ILDR1: variants seen among roughly 807,000 people sequenced by gnomAD.
The protein encoded by ILDR1 is immunoglobulin like domain containing receptor 1.
Under a neutral mutation model 62.4 loss-of-function variants are expected in ILDR1, and 56 were observed. The observed-to-expected ratio is 0.90, with a 90% CI of 0.72 to 1.12. The LOEUF (loss-of-function observed/expected upper bound fraction) is 1.12, where lower values mean the gene tolerates loss of function less well. Among genes scored for constraint, ILDR1 ranks in the 50% most tolerant of loss-of-function variants. ILDR1 has a pLI of 0.00. For missense variants in ILDR1, 736 were observed against 710.6 expected (o/e 1.04, Z -0.41); for synonymous variants, 284 against 277.8 (o/e 1.02, Z -0.22).
intron 1 of ILDR1, among the ~76,000 whole-genome samples, chr3:122,021,746 C>A (rs1175641369): frequency 6.6e-6 from 1 of 152,258 alleles, no homozygotes; most frequent in African/African-American, 2.4e-5. Context: ...AGATCAAGAA[C>A]TGCCTAATGA....
At chr3:122,027,336 C>A in the ILDR1 span, among the ~76,000 whole-genome samples, 2 of 152,166 alleles carry the variant, frequency 1.3e-5, no homozygotes, top group South Asian at 2.1e-4. Flanking sequence ...ATTACCTGCG[C>A]CCACCACTAC....
the ILDR1 span, among the ~76,000 whole-genome samples, chr3:122,028,805 A>C: frequency 6.6e-6 from 1 of 152,228 alleles, no homozygotes. Context: ...GAGAAGTGTA[A>C]ATTGAGTCAA....
chr3:122,005,234 C>A lies in ILDR1; in HGVS notation c.379+10G>T. ...ACCCCCAGTTCCCCTGACACCTCCCCCGCACTCACGGTTCTGGATGGTGAT... is the reference window on the plus strand; with the variant it reads ...ACCCCCAGTTCCCCTGACACCTCCCACGCACTCACGGTTCTGGATGGTGAT... On this transcript the variant is annotated intron_variant, in intron 3 of 7. Transcript: ENST00000344209. 1 of 1,596,826 alleles carries A rather than the reference C, an allele frequency of 6.3e-7. No homozygotes were observed. The highest frequency in any genetic ancestry group is 8.6e-7 in the Non-Finnish European group (1 of 1,164,570).
the ILDR1 span, among the ~76,000 whole-genome samples, chr3:122,045,012 G>A: frequency 1.3e-5 from 2 of 150,624 alleles, no homozygotes; most frequent in African/African-American, 2.4e-5. Flanking sequence ...GTGATGTTAG[G>A]GTGTCAATTT....
chr3:122,001,626 T>C (rs556774059), intron 4 of ILDR1, 119 bp downstream of exon 4: 2 of 1,527,204 alleles, frequency 1.3e-6, no homozygotes, highest in East Asian at 2.2e-5. Flanking sequence ...ACTTTAGAGG[T>C]TGATAATCCA....
chr3:122,023,789 C>T (rs2071897793), upstream of ILDR1, among the ~76,000 whole-genome samples: 1 of 140,836 alleles, frequency 7.1e-6, no homozygotes, highest in Non-Finnish European at 1.5e-5. Context: ...GATCCTAGCA[C>T]AGCAGCAGCA....
At chr3:122,015,821 C>G (rs974781815) in intron 1 of ILDR1, among the ~76,000 whole-genome samples, 6 of 152,146 alleles carry the variant, frequency 3.9e-5, no homozygotes, top group Non-Finnish European at 5.9e-5. Context: ...ATCTCTCTCT[C>G]TCTCCAATTT....
chr3:122,050,427 C>G, the ILDR1 span, among the ~76,000 whole-genome samples: 1 of 151,776 alleles, frequency 6.6e-6, no homozygotes, highest in African/African-American at 2.4e-5. Context: ...GTGGAAATTC[C>G]ATAGGTATTT....
Position 121,988,315 on chromosome 3 carries a change from A to T in ILDR1, c.*52T>A. On this transcript the variant is annotated 3_prime_UTR_variant, in exon 8 of 8. Coordinates refer to ENST00000344209, the MANE Select transcript of ILDR1 (RefSeq NM_001199799.2). ...TCAGCTGGAAACCTAGGTGATGCTGATGACACACAGGAGCCGAGAAGTAGC... is the reference window on the plus strand; with the variant it reads ...TCAGCTGGAAACCTAGGTGATGCTGTTGACACACAGGAGCCGAGAAGTAGC... 8 of 1,510,412 alleles carry T rather than the reference A, an allele frequency of 5.3e-6. No homozygotes were observed. Among genetic ancestry groups the T allele is most frequent in the Non-Finnish European group, 7.4e-6 (8 of 1,085,684 alleles). The allele number at this position is 1,510,412 out of a possible 1,614,324, so 93.6% of individuals were successfully genotyped here. A position where few individuals can be genotyped will look rare whatever the true frequency, so the allele number is the denominator to read the frequency against.
chr3:122,037,157 G>T, the ILDR1 span, among the ~76,000 whole-genome samples: 5 of 152,250 alleles, frequency 3.3e-5, no homozygotes, highest in Non-Finnish European at 7.3e-5. Flanking sequence ...GAGGGGAATT[G>T]TGGGGTTGGA....
At position 122,014,930 on chromosome 3, in the gene ILDR1, C is replaced by T. The variant is rs190921272; in HGVS notation, c.58+7090G>A. ...GGTTAGTGACTCATGTCTCCACACACTAATCTCAGAGCACATGCAAATTTA... is the reference window on the plus strand; with the variant it reads ...GGTTAGTGACTCATGTCTCCACACATTAATCTCAGAGCACATGCAAATTTA... On this transcript the variant is annotated intron_variant, in intron 1 of 7. Coordinates refer to ENST00000344209, the MANE Select transcript of ILDR1 (RefSeq NM_001199799.2). 2.8e-4 allele frequency among the ~76,000 whole-genome samples: 43 copies of T among 152,318 alleles called. 1 individual carries two copies. The highest frequency in any genetic ancestry group is 2.7e-3 in the Admixed American group (42 of 15,298).
the ILDR1 span, among the ~76,000 whole-genome samples, chr3:122,046,892 A>G: frequency 9.6e-5 from 14 of 145,176 alleles, no homozygotes; most frequent in Admixed American, 9.6e-4. Context: ...GAGTAATTTG[A>G]CCGTCTGAAG....
At chr3:121,997,153 G>A (rs566675183) in intron 5 of ILDR1, among the ~76,000 whole-genome samples, 177 of 152,146 alleles carry the variant, frequency 1.2e-3, no homozygotes, top group Non-Finnish European at 2.0e-3. Flanking sequence ...TGCCTGCCTC[G>A]GCCTCCCAAA....
rs34883204 is a variant in ILDR1, at chr3:121,993,424, C to T, written c.1325G>A (p.Arg442His). Residue 442 changes from arginine to histidine, a missense_variant, in exon 7 of 8, where the codon CGC (arginine) becomes CAC (histidine). Arg to His is a conservative substitution (Grantham distance 29). Coordinates refer to ENST00000344209, the MANE Select transcript of ILDR1 (RefSeq NM_001199799.2). ...WRPSHPPFRS[R>H]CQERPRRPSP... ...GGGCCTGCGGGGCCTCTCCTGACAG[C>T]GGCTCCTGAAAGGAGGGTGGCTCGG... The T allele has an allele frequency of 7.3e-3, 11,754 of 1,613,804 alleles. 676 individuals carry two copies. In the African/African-American group the frequency reaches 0.13, roughly 18 times the overall value.
the ILDR1 span, among the ~76,000 whole-genome samples, chr3:122,058,908 A>C: frequency 6.6e-6 from 1 of 152,060 alleles, no homozygotes; most frequent in Non-Finnish European, 1.5e-5. Flanking sequence ...TGCATTTAAG[A>C]GATATTTTAG....
intron 7 of ILDR1, among the ~76,000 whole-genome samples, 181 bp downstream of exon 7, chr3:121,992,969 G>A (rs61734761): frequency 7.1e-4 from 108 of 152,194 alleles, no homozygotes; most frequent in African/African-American, 2.4e-3. Context: ...CTCTGCACTC[G>A]CTTGATTTCT....
chr3:122,001,818 C>T lies in ILDR1; in HGVS notation c.426G>A (p.Val142=), dbSNP rs530156950. The change falls in exon 4 of 8, where the codon GTG becomes GTA. Residue 142 remains valine (V), a synonymous_variant. Transcript: ENST00000344209. ...INEVMWWDHG[V]YYCTIEAPGD... is the part of the protein sequence containing the mutation. ...CTGGAGCCTCAATGGTGCAGTAATA[C>T]ACTCCATGGTCCCACCACATCACTT... The T allele has an allele frequency of 1.8e-4, 296 of 1,613,654 alleles. 1 individual carries two copies. The South Asian group carries it at 2.9e-3, about 16-fold the overall frequency.
the ILDR1 span, among the ~76,000 whole-genome samples, chr3:122,039,928 C>A: frequency 4.0e-4 from 60 of 151,770 alleles, no homozygotes; most frequent in South Asian, 0.012. Flanking sequence ...TTTAAAATAC[C>A]ATAAAATTAC....
At chr3:122,049,661 A>T in the ILDR1 span, among the ~76,000 whole-genome samples, 1 of 152,194 alleles carries the variant, frequency 6.6e-6, no homozygotes, top group Non-Finnish European at 1.5e-5. Flanking sequence ...TTTTTGATTT[A>T]AAGTCTGTTA....
Sources: allele counts gnomAD v4.1 joint callset (sites outside exome capture counted in the v4.1 genomes callset), GRCh38; gene constraint gnomAD v4.1.1; transcripts MANE v1.5; gene names NCBI Gene and HGNC (gene_info 2026-07-23, HGNC 2026-07-21).